Variants in SRBD1 observed in about 807,000 individuals in gnomAD.
SRBD1 encodes S1 RNA-binding domain-containing protein 1.
SRBD1 carries 88 observed loss-of-function variants against 115.3 expected under a neutral mutation model. That is an observed-to-expected ratio of 0.76 (90% CI 0.64 to 0.91). SRBD1 has a LOEUF of 0.91. Among genes scored for constraint, SRBD1 ranks in the 40% least tolerant of loss-of-function variants. The pLI, the probability that SRBD1 is intolerant of heterozygous loss-of-function variation, is 0.00. For synonymous variants in SRBD1, 509 were observed against 407.7 expected, an observed-to-expected ratio of 1.25 and a Z score of -2.99; for missense variants, 1,385 against 1,177.4, an observed-to-expected ratio of 1.18 and a Z score of -2.58.
At chr2:45,541,178 T>C (rs1195837320) in intron 14 of SRBD1, among the ~76,000 whole-genome samples, 1 of 152,210 alleles carries the variant, frequency 6.6e-6, no homozygotes, top group East Asian at 1.9e-4. Context: ...GGTGGTGCCA[T>C]GCAAGGCTGT....
At chr2:45,582,397 CA>C (rs1673393541) in intron 5 of SRBD1, among the ~76,000 whole-genome samples, 2 of 152,104 alleles carry the variant, frequency 1.3e-5, no homozygotes, top group South Asian at 4.1e-4. Flanking sequence ...TGATTTGTCT[CA>C]TTACTAATTA....
Position 45,605,416 on chromosome 2 carries a change from T to C in SRBD1, c.26A>G (p.Lys9Arg), listed in dbSNP as rs1222426961. 4 of 1,613,776 alleles carry C rather than the reference T, an allele frequency of 2.5e-6. No homozygotes were observed. Among genetic ancestry groups the C allele is most frequent in the Non-Finnish European group, 3.4e-6 (4 of 1,179,982 alleles). Residue 9 changes from lysine (K) to arginine (R), a missense_variant, in exon 2 of 21, where the codon AAA becomes AGA. Physicochemically the swap from Lys to Arg is conservative, Grantham distance 26. Coordinates refer to ENST00000263736, the MANE Select transcript of SRBD1 (RefSeq NM_018079.5). ...CAGTACCACATCCTGGACCTGTACT[T>C]TCGCTCTTCTTGGCAATGATGACAT... is the stretch of plus-strand genomic sequence containing the variant. Reference protein sequence around the residue: MSSLPRRAKVQVQDVVLKD... With the variant: MSSLPRRARVQVQDVVLKD...
chr2:45,434,853 G>A (rs1668441722), intron 16 of SRBD1, among the ~76,000 whole-genome samples: 1 of 151,604 alleles, frequency 6.6e-6, no homozygotes, highest in Non-Finnish European at 1.5e-5. Context: ...CATGTGTCAT[G>A]TTGGTTTGCT....
chr2:45,531,819 C>T (rs1671621717), intron 14 of SRBD1, among the ~76,000 whole-genome samples: 1 of 151,780 alleles, frequency 6.6e-6, no homozygotes, highest in African/African-American at 2.4e-5. Flanking sequence ...GTTCTTTCTT[C>T]AGACTCAGTT....
At chr2:45,395,119 C>G (rs1184769738) in intron 19 of SRBD1, among the ~76,000 whole-genome samples, 1 of 152,220 alleles carries the variant, frequency 6.6e-6, no homozygotes, top group African/African-American at 2.4e-5. Context: ...GCGTGCCCTG[C>G]TGAGCAGGCT....
chr2:45,605,822 T>C (rs557401473), intron 1 of SRBD1, among the ~76,000 whole-genome samples: 4 of 150,612 alleles, frequency 2.7e-5, no homozygotes, highest in African/African-American at 9.8e-5. Context: ...AAGAATCACT[T>C]GAACCCAGGA....
intron 4 of SRBD1, among the ~76,000 whole-genome samples, chr2:45,585,977 A>G (rs1673508976): frequency 6.6e-6 from 1 of 152,230 alleles, no homozygotes; most frequent in South Asian, 2.1e-4. Context: ...CAAATTCAAT[A>G]AAATCTAATC....
intron 19 of SRBD1, among the ~76,000 whole-genome samples, chr2:45,398,573 G>C (rs1213765591): frequency 6.6e-6 from 1 of 152,064 alleles, no homozygotes; most frequent in Non-Finnish European, 1.5e-5. Context: ...ATTGTATGTA[G>C]GAGAATATAT....
At position 45,608,579 on chromosome 2, in the gene SRBD1, C is replaced by A. The variant is rs567894713; in HGVS notation, c.-1+2640G>T. Among the ~76,000 whole-genome samples, 63 of 152,250 alleles carry A rather than the reference C, an allele frequency of 4.1e-4. 1 individual carries two copies. In the South Asian group the frequency reaches 0.013, roughly 31 times the overall value. ...TCATCCATCTCCACGGTTTTACATACCGATGTCACCTACTTATTAACAATC... is the reference window on the plus strand; with the variant it reads ...TCATCCATCTCCACGGTTTTACATAACGATGTCACCTACTTATTAACAATC... On this transcript the variant is annotated intron_variant, in intron 1 of 20. Coordinates refer to ENST00000263736, the MANE Select transcript of SRBD1 (RefSeq NM_018079.5).
chr2:45,557,833 G>A (rs1415673191), intron 10 of SRBD1, among the ~76,000 whole-genome samples: 3 of 152,134 alleles, frequency 2.0e-5, no homozygotes, highest in Non-Finnish European at 4.4e-5. Context: ...TAATTCAACA[G>A]TTAAATACAT....
At chr2:45,432,670 A>G (rs1046244111) in intron 16 of SRBD1, among the ~76,000 whole-genome samples, 2 of 152,238 alleles carry the variant, frequency 1.3e-5, no homozygotes, top group Non-Finnish European at 2.9e-5. Flanking sequence ...ACTTCATGCC[A>G]GGAAAAATGG....
intron 14 of SRBD1, among the ~76,000 whole-genome samples, chr2:45,539,707 T>G (rs912632099): frequency 6.6e-6 from 1 of 152,138 alleles, no homozygotes; most frequent in African/African-American, 2.4e-5. Flanking sequence ...ACTGGTAGTA[T>G]CTAAGGGAGT....
At chr2:45,578,579 T>G (rs1216199468) in intron 7 of SRBD1, among the ~76,000 whole-genome samples, 1 of 152,176 alleles carries the variant, frequency 6.6e-6, no homozygotes, top group African/African-American at 2.4e-5. Context: ...GGCTATAGTA[T>G]GCTATAATTT....
intron 16 of SRBD1, among the ~76,000 whole-genome samples, chr2:45,437,127 G>C (rs72880640): frequency 6.6e-6 from 1 of 152,044 alleles, no homozygotes; most frequent in African/African-American, 2.4e-5. Context: ...TAAGAGGAGA[G>C]ATATTTCATG....
chr2:45,526,362 A>G (rs1395741576), intron 14 of SRBD1, among the ~76,000 whole-genome samples: 1 of 152,040 alleles, frequency 6.6e-6, no homozygotes, highest in African/African-American at 2.4e-5. Context: ...ACACCACATA[A>G]TATGACTCCA....
chr2:45,460,698 T>C (rs1487615230), intron 16 of SRBD1, among the ~76,000 whole-genome samples: 1 of 152,226 alleles, frequency 6.6e-6, no homozygotes, highest in Non-Finnish European at 1.5e-5. Context: ...AAAACCATTA[T>C]GAACACAAAT....
intron 16 of SRBD1, among the ~76,000 whole-genome samples, chr2:45,445,125 C>T (rs1300910870): frequency 6.6e-6 from 1 of 152,118 alleles, no homozygotes; most frequent in Admixed American, 6.5e-5. Flanking sequence ...AATTGTCTTT[C>T]AGACAGTTGG....
chr2:45,395,813 T>C (rs767972338), intron 19 of SRBD1, among the ~76,000 whole-genome samples: 3 of 152,354 alleles, frequency 2.0e-5, no homozygotes, highest in Non-Finnish European at 4.4e-5. Flanking sequence ...TTATGCTTAG[T>C]AGCCATTCAA....
chr2:45,562,699 A>T lies in SRBD1; in HGVS notation c.1363T>A (p.Ser455Thr), dbSNP rs762131349. Residue 455 changes from serine to threonine, a missense_variant, in exon 10 of 21, where the codon TCT becomes ACT. Physicochemically the swap from Ser to Thr is moderately conservative, Grantham distance 58 (BLOSUM62 1). Transcript: ENST00000263736. Reference sequence around the variant, plus strand: ...CAGAATTCATCCTTCACTCCATCAGAAATATTGACCTTAACCGTCAGTACC... The same window carrying T: ...CAGAATTCATCCTTCACTCCATCAGTAATATTGACCTTAACCGTCAGTACC... ...LKVLTVKVNISDGVKDEFCRW... is the reference protein window; with the variant it reads ...LKVLTVKVNITDGVKDEFCRW... 7 of 1,612,586 alleles carry T rather than the reference A, an allele frequency of 4.3e-6. No homozygotes were observed. The African/African-American group carries it at 9.4e-5, about 22-fold the overall frequency.
Sources: gnomAD v4.1 joint callset for allele counts (sites outside exome capture counted in the v4.1 genomes callset) on GRCh38, gnomAD v4.1.1 for gene constraint, MANE v1.5 for transcripts, NCBI Gene and HGNC (gene_info 2026-07-23, HGNC 2026-07-21) for gene names.